The following NAV2 variants were observed in gnomAD, a reference collection of about 807,000 sequenced individuals.
NAV2 encodes helicase, APC down-regulated 1.
NAV2 carries 54 observed loss-of-function variants against 223.2 expected under a neutral mutation model. The ratio of observed to expected loss-of-function variants is 0.24; its 90% CI spans 0.19 to 0.30. The LOEUF is 0.30. Among genes scored for constraint, NAV2 ranks in the 10% least tolerant of loss-of-function variants. NAV2 has a pLI of 1.00. For missense variants in NAV2, 2,806 were observed against 3,147.5 expected (o/e 0.89, Z 2.60); for synonymous variants, 1,279 against 1,239.3 (o/e 1.03, Z -0.67).
intron 1 of NAV2, among the ~76,000 whole-genome samples, chr11:19,556,409 G>A (rs1241963980): frequency 6.6e-6 from 1 of 152,218 alleles, no homozygotes; most frequent in African/African-American, 2.4e-5. Context: ...TATGAACGAA[G>A]TAAACAGTTA....
chr11:19,597,993 C>T (rs569787139), intron 1 of NAV2, among the ~76,000 whole-genome samples: 9 of 152,246 alleles, frequency 5.9e-5, no homozygotes, highest in Admixed American at 2.0e-4. Context: ...AGAGAGACCA[C>T]GGGGCAGCTG....
chr11:19,947,751 C>G (rs1350741363), intron 9 of NAV2, among the ~76,000 whole-genome samples: 1 of 152,192 alleles, frequency 6.6e-6, no homozygotes, highest in South Asian at 2.1e-4. Flanking sequence ...AGATTCTAGT[C>G]CATGTAACTT....
At chr11:19,724,021 C>T (rs1052899723) in intron 1 of NAV2, among the ~76,000 whole-genome samples, 5 of 152,218 alleles carry the variant, frequency 3.3e-5, no homozygotes, top group African/African-American at 1.2e-4. Flanking sequence ...TTAGAATAAC[C>T]TGGCTTACTT....
chr11:19,607,105 G>A (rs893328708), intron 1 of NAV2, among the ~76,000 whole-genome samples: 3 of 152,178 alleles, frequency 2.0e-5, no homozygotes, highest in African/African-American at 4.8e-5. Flanking sequence ...AACCACACTG[G>A]TTACAGGGCC....
chr11:19,485,708 T>A (rs973254730), intron 1 of NAV2, among the ~76,000 whole-genome samples: 1 of 149,390 alleles, frequency 6.7e-6, no homozygotes, highest in African/African-American at 2.5e-5. Flanking sequence ...TGAGTTTTTA[T>A]ATGGGAGGAT....
intron 1 of NAV2, among the ~76,000 whole-genome samples, chr11:19,448,218 C>A (rs1270623964): frequency 2.0e-5 from 3 of 152,150 alleles, no homozygotes; most frequent in African/African-American, 4.8e-5. Flanking sequence ...TGGGGGCCAG[C>A]CCTGGGAGGT....
intron 1 of NAV2, among the ~76,000 whole-genome samples, chr11:19,770,136 T>C (rs1196038250): frequency 6.6e-6 from 1 of 152,150 alleles, no homozygotes; most frequent in Non-Finnish European, 1.5e-5. Flanking sequence ...ATCATTCAAA[T>C]ACAAAACCAG....
In NAV2 at chr11:20,114,629, A is replaced by G. The variant is rs759082967; in HGVS notation, c.6998A>G (p.Lys2333Arg). 4.3e-6 allele frequency: 7 copies of G among 1,614,056 alleles called. No homozygotes were observed. Among genetic ancestry groups the G allele is most frequent in the Non-Finnish European group, 5.9e-6 (7 of 1,180,038 alleles). The change falls in exon 37 of 38, where the codon AAG (lysine) becomes AGG (arginine). Residue 2333 changes from lysine (K) to arginine (R), a missense_variant. This residue lies in a region of NAV2 where 824 missense variants were observed against 1,069.4 expected (regional missense o/e 0.77). Coordinates refer to ENST00000349880, the MANE Select transcript of NAV2 (RefSeq NM_145117.5). ...CGCGCCCCCTGGGAGGATCCTGCCA[A>G]GTGGGTGATGGACACATATCCATGG... ...GRRAPWEDPA[K>R]WVMDTYPWAA... is the part of the protein sequence containing the mutation.
chr11:19,462,294 C>G (rs572240782), intron 1 of NAV2, among the ~76,000 whole-genome samples: 1 of 152,156 alleles, frequency 6.6e-6, no homozygotes, highest in Non-Finnish European at 1.5e-5. Flanking sequence ...TTTTGCATGT[C>G]TAACAAGCTT....
chr11:20,101,857 C>T (rs2061665431), intron 32 of NAV2, among the ~76,000 whole-genome samples: 1 of 152,184 alleles, frequency 6.6e-6, no homozygotes, highest in African/African-American at 2.4e-5. Flanking sequence ...TTCATGCATG[C>T]ATTAGTGAGC....
At chr11:19,989,589 A>G (rs1044864748) in intron 11 of NAV2, among the ~76,000 whole-genome samples, 2 of 152,214 alleles carry the variant, frequency 1.3e-5, no homozygotes, top group Non-Finnish European at 2.9e-5. Flanking sequence ...TGTCAGCAAT[A>G]GAAAACGAAT....
chr11:19,870,849 A>G (rs967575312), intron 4 of NAV2, among the ~76,000 whole-genome samples: 1 of 152,160 alleles, frequency 6.6e-6, no homozygotes, highest in African/African-American at 2.4e-5. Context: ...TTCAGAGCTC[A>G]TGATTATGGC....
chr11:19,593,537 C>T (rs919027396), intron 1 of NAV2, among the ~76,000 whole-genome samples: 2 of 152,202 alleles, frequency 1.3e-5, no homozygotes, highest in African/African-American at 4.8e-5. Context: ...TATAAGTCTT[C>T]ATCTCACAGG....
intron 1 of NAV2, among the ~76,000 whole-genome samples, chr11:19,455,947 C>T (rs1422299820): frequency 6.6e-6 from 1 of 152,234 alleles, no homozygotes. Context: ...TCCTTCCTCC[C>T]CAGCTGTGGC....
chr11:19,529,544 C>T (rs1240939805), intron 1 of NAV2, among the ~76,000 whole-genome samples: 1 of 151,996 alleles, frequency 6.6e-6, no homozygotes, highest in African/African-American at 2.4e-5. Context: ...GGAGCCCTTA[C>T]CCGAATGGAA....
intron 1 of NAV2, among the ~76,000 whole-genome samples, chr11:19,534,835 T>C (rs1309859601): frequency 2.6e-5 from 4 of 152,226 alleles, no homozygotes; most frequent in Non-Finnish European, 5.9e-5. Context: ...AGTTAAGATG[T>C]AAGCTTTGAA....
intron 1 of NAV2, among the ~76,000 whole-genome samples, chr11:19,788,272 A>C (rs1478312639): frequency 1.3e-5 from 2 of 152,112 alleles, no homozygotes; most frequent in Non-Finnish European, 2.9e-5. Flanking sequence ...ACAATCAAAA[A>C]TGTCTCCGTA....
intron 1 of NAV2, among the ~76,000 whole-genome samples, chr11:19,698,709 C>T (rs2049418991): frequency 6.6e-6 from 1 of 152,206 alleles, no homozygotes; most frequent in Admixed American, 6.5e-5. Context: ...GAAAAGTACT[C>T]CACAGGTGCC....
In NAV2 at chr11:19,630,162, A is replaced by T. The variant is rs149206946; in HGVS notation, c.76-202322A>T. Among the ~76,000 whole-genome samples the T allele has an allele frequency of 2.9e-3, 446 of 152,290 alleles. 6 individuals are homozygous for T. The South Asian group carries it at 0.04, about 14-fold the overall frequency. ...ACACAGCCTGGCACAAAGAATGCTC[A>T]ATAAATTATATATCATTTGCTTCAT... On this transcript the variant is annotated intron_variant, in intron 1 of 37. Coordinates refer to the NAV2 transcript ENST00000360655.
Sources: gnomAD v4.1 joint callset for allele counts (sites outside exome capture counted in the v4.1 genomes callset) on GRCh38, gnomAD v4.1.1 for gene constraint, gnomAD v4.1.1 regional missense constraint, MANE v1.5 for transcripts, NCBI Gene and HGNC (gene_info 2026-07-23, HGNC 2026-07-21) for gene names.